The following RPS6KA5 variants were observed in gnomAD, a reference collection of about 807,000 sequenced individuals.
RPS6KA5 encodes the protein ribosomal protein S6 kinase alpha-5.
Under a neutral mutation model 85.5 loss-of-function variants are expected in RPS6KA5, and 27 were observed. That is an observed-to-expected ratio of 0.32 (90% CI 0.23 to 0.44). The LOEUF is 0.44. Among genes scored for constraint, RPS6KA5 ranks in the 20% least tolerant of loss-of-function variants. The pLI, the probability that RPS6KA5 is intolerant of heterozygous loss-of-function variation, is 1.00. For synonymous variants in RPS6KA5, 334 were observed against 348.2 expected (o/e 0.96, Z 0.46); for missense variants, 811 against 980.9 (o/e 0.83, Z 2.31).
intron 2 of RPS6KA5, among the ~76,000 whole-genome samples, chr14:90,980,479 A>G (rs1291682453): frequency 6.6e-6 from 1 of 152,234 alleles, no homozygotes; most frequent in African/African-American, 2.4e-5. Flanking sequence ...GGTGTTGACC[A>G]TGTGACACAC....
At chr14:90,989,414 T>C (rs796305667) in intron 2 of RPS6KA5, among the ~76,000 whole-genome samples, 2 of 152,350 alleles carry the variant, frequency 1.3e-5, no homozygotes, top group African/African-American at 4.8e-5. Context: ...TACTCTTACA[T>C]GGCAAAATTT....
chr14:90,917,910 C>A lies in RPS6KA5; in HGVS notation c.806+2296G>T, dbSNP rs960854384. Among the ~76,000 whole-genome samples the A allele has an allele frequency of 2.0e-5, 3 of 152,098 alleles. 1 individual carries two copies. Among genetic ancestry groups the A allele is most frequent in the Admixed American group, 2.0e-4 (3 of 15,264 alleles). On this transcript the variant is annotated intron_variant, in intron 7 of 16. Transcript: ENST00000614987. ...GGAGTATTCCATTTGTATGAATAAA[C>A]CACAATTTGTTTAACCACTTACTTG...
In RPS6KA5 at chr14:90,848,670, A is replaced by G. The variant is rs1003969217; in HGVS notation, c.*23404T>C. The G allele has an allele frequency of 3.2e-4, 48 of 152,126 alleles. No homozygotes were observed. Among genetic ancestry groups the G allele is most frequent in the African/African-American group, 1.1e-3 (46 of 41,412 alleles). 9.4% of individuals were successfully genotyped at this position (152,126 alleles called of 1,614,324 possible). On this transcript the variant is annotated 3_prime_UTR_variant, in exon 17 of 17. Transcript: ENST00000614987. ...TTATGTTCTTCTAGAGAGACTTAGAAAAAAAAAGCCATGCAAATAAAAATC... is the reference window on the plus strand; with the variant it reads ...TTATGTTCTTCTAGAGAGACTTAGAGAAAAAAAGCCATGCAAATAAAAATC...
At chr14:90,941,775 C>T (rs1054435634) in intron 5 of RPS6KA5, among the ~76,000 whole-genome samples, 1 of 152,198 alleles carries the variant, frequency 6.6e-6, no homozygotes, top group Non-Finnish European at 1.5e-5. Flanking sequence ...TGTCATCCAT[C>T]TTCTAAAATG....
intron 1 of RPS6KA5, among the ~76,000 whole-genome samples, chr14:91,047,323 T>G (rs1444529662): frequency 1.3e-5 from 2 of 152,178 alleles, no homozygotes; most frequent in Non-Finnish European, 2.9e-5. Flanking sequence ...GCCTGAGATT[T>G]GACACTTTCT....
chr14:90,897,920 G>A (rs1271666466), intron 12 of RPS6KA5, among the ~76,000 whole-genome samples: 1 of 152,136 alleles, frequency 6.6e-6, no homozygotes, highest in Non-Finnish European at 1.5e-5. Flanking sequence ...CGTGGCCAGG[G>A]GACTCATTAC....
At chr14:90,904,513 C>G (rs1023558359) in intron 8 of RPS6KA5, among the ~76,000 whole-genome samples, 20 of 152,168 alleles carry the variant, frequency 1.3e-4, no homozygotes, top group Admixed American at 3.9e-4. Context: ...AGTCTCTTGA[C>G]TTTCTAGTTA....
Position 90,908,631 on chromosome 14 carries a change from G to A in RPS6KA5, c.807-2332C>T, listed in dbSNP as rs138781160. 4.3e-4 allele frequency among the ~76,000 whole-genome samples: 66 copies of A among 152,316 alleles called. 1 individual carries two copies. The highest frequency in any genetic ancestry group is 1.3e-3 in the African/African-American group (56 of 41,566). ...AAGAGAACCAGACACTGGGAGTGGC[G>A]TGGTGAGGAGAAAGGGCCTATAGCA... On this transcript the variant is annotated intron_variant, in intron 7 of 16. Transcript: ENST00000614987.
intron 3 of RPS6KA5, among the ~76,000 whole-genome samples, chr14:90,953,035 T>A (rs2038291968): frequency 6.6e-6 from 1 of 152,118 alleles, no homozygotes; most frequent in African/African-American, 2.4e-5. Flanking sequence ...GAATCCTGCG[T>A]CAAAACCAAG....
intron 1 of RPS6KA5, among the ~76,000 whole-genome samples, chr14:91,055,341 C>T (rs2043269826): frequency 6.6e-6 from 1 of 152,174 alleles, no homozygotes; most frequent in East Asian, 1.9e-4. Context: ...ATGTGCAAAG[C>T]AGCATTATTT....
Position 91,046,522 on chromosome 14 carries a change from T to C in RPS6KA5, c.103+13810A>G, listed in dbSNP as rs564464245. On this transcript the variant is annotated intron_variant, in intron 1 of 16. Transcript: ENST00000614987. ...GTCTTCATGCAGCATCATATTTAGA[T>C]AGAAAGTGTGACACTATCCTTATTA... 7.9e-5 allele frequency among the ~76,000 whole-genome samples: 12 copies of C among 152,296 alleles called. No homozygotes were observed. The South Asian group carries it at 2.3e-3, about 29-fold the overall frequency.
At chr14:90,932,329 C>G (rs1438368085) in intron 5 of RPS6KA5, among the ~76,000 whole-genome samples, 1 of 151,952 alleles carries the variant, frequency 6.6e-6, no homozygotes. Context: ...CTCACTGTTG[C>G]CCAACACTGT....
intron 4 of RPS6KA5, among the ~76,000 whole-genome samples, chr14:90,944,639 C>A (rs976512792): frequency 1.3e-5 from 2 of 152,128 alleles, no homozygotes; most frequent in Non-Finnish European, 2.9e-5. Flanking sequence ...CCTGTAATCC[C>A]AGCTACTCGG....
intron 1 of RPS6KA5, among the ~76,000 whole-genome samples, chr14:91,031,601 A>G (rs2042191722): frequency 6.6e-6 from 1 of 152,192 alleles, no homozygotes; most frequent in South Asian, 2.1e-4. Context: ...ATCATAATGA[A>G]AAGTATTTTA....
intron 7 of RPS6KA5, among the ~76,000 whole-genome samples, chr14:90,910,380 T>G (rs900169858): frequency 5.3e-4 from 81 of 152,072 alleles, no homozygotes; most frequent in African/African-American, 1.9e-3. Flanking sequence ...ACACCAAAAT[T>G]AAAATTAAAC....
Position 90,855,010 on chromosome 14 carries a change from G to C in RPS6KA5, c.*17064C>G, listed in dbSNP as rs1259847881. ...ATTTTGAAGTTTTAAAAGTCTAATC[G>C]ATTTTTTTCAATACATTTCATCTCT... On this transcript the variant is annotated 3_prime_UTR_variant, in exon 17 of 17. Coordinates refer to ENST00000614987, the MANE Select transcript of RPS6KA5 (RefSeq NM_004755.4). 1 of 151,982 alleles carries C rather than the reference G, an allele frequency of 6.6e-6. No homozygotes were observed. 9.4% of individuals were successfully genotyped at this position (151,982 alleles called of 1,614,324 possible). A position where few individuals can be genotyped will look rare whatever the true frequency, so the allele number is the denominator to read the frequency against.
In RPS6KA5 at chr14:90,978,417, T is replaced by C; in HGVS notation, c.283A>G (p.Thr95Ala). ...TGTCGTTCTGTCCTTGTATGCTCTG[T>C]GGTTTTGGCCTTTTGAACGATTGTT... ...KATIVQKAKT[T>A]EHTRTERQVL... Residue 95 changes from threonine (T) to alanine (A), a missense_variant, in exon 3 of 17, where the codon ACA becomes GCA. By Grantham distance (58) the Thr-to-Ala change is moderately conservative. Around this residue, in one of 3 missense-constraint regions of RPS6KA5, gnomAD observed 48 missense variants for 87.6 expected, o/e 0.55. Coordinates refer to ENST00000614987, the MANE Select transcript of RPS6KA5 (RefSeq NM_004755.4). 1 of 1,614,104 alleles carries C rather than the reference T, an allele frequency of 6.2e-7. No homozygotes were observed. Among genetic ancestry groups the C allele is most frequent in the Middle Eastern group, 1.6e-4 (1 of 6,062 alleles).
At chr14:91,056,683 G>A (rs539215443) in intron 1 of RPS6KA5, among the ~76,000 whole-genome samples, 27 of 152,166 alleles carry the variant, frequency 1.8e-4, no homozygotes, top group African/African-American at 6.3e-4. Flanking sequence ...ATCGCACCCA[G>A]TATGTAAGAG....
chr14:90,970,167 T>C (rs2039253601), intron 3 of RPS6KA5, among the ~76,000 whole-genome samples: 1 of 152,252 alleles, frequency 6.6e-6, no homozygotes, highest in Admixed American at 6.5e-5. Flanking sequence ...GTACACTCTA[T>C]AAATGCATTT....
Sources: gnomAD v4.1 joint callset for allele counts (sites outside exome capture counted in the v4.1 genomes callset) on GRCh38, gnomAD v4.1.1 for gene constraint, gnomAD v4.1.1 regional missense constraint, MANE v1.5 for transcripts, NCBI Gene and HGNC (gene_info 2026-07-23, HGNC 2026-07-21) for gene names.